ZNF844: variants seen among roughly 807,000 people sequenced by gnomAD.
The protein encoded by ZNF844 is zinc finger protein 844.
In ZNF844, 11 loss-of-function variants were observed where a neutral mutation model predicts 11.4. The ratio of observed to expected loss-of-function variants is 0.97; its 90% CI spans 0.61 to 1.60. ZNF844 has a LOEUF of 1.60. Ranked by LOEUF, ZNF844 falls within the 40% of genes most tolerant of loss-of-function variation. The pLI is 0.00. For synonymous variants in ZNF844, 248 were observed against 260.3 expected (o/e 0.95, Z 0.46); for missense variants, 790 against 796.8 (o/e 0.99, Z 0.10).
chr19:12,076,680 A>G lies in ZNF844; in HGVS notation c.1560A>G (p.Lys520=). 6.2e-7 allele frequency: 1 copy of G among 1,613,772 alleles called. No homozygotes were observed. Among genetic ancestry groups the G allele is most frequent in the Non-Finnish European group, 8.5e-7 (1 of 1,179,926 alleles). Residue 520 remains lysine (K), a synonymous_variant, in exon 4 of 4, where the codon AAA becomes AAG. Transcript: ENST00000439326. The part of the protein sequence containing the change: ...GKPSHLPHTF[K]CMKGLTLESN... The stretch of plus-strand genomic sequence containing the variant: ...CTTCACATCTGCCTCACACCTTCAA[A>G]TGCATGAAAGGACTCACACTGGAAA...
chr19:12,064,942 T>C, intron 1 of ZNF844, 66 bp downstream of exon 1: 1 of 1,529,890 alleles, frequency 6.5e-7, no homozygotes, highest in East Asian at 2.6e-5. Flanking sequence ...TGGTTGGAAC[T>C]GGCTGGAACC....
chr19:12,064,760 TG>T lies in ZNF844; in HGVS notation c.-112del. ...TTTGGCCCCTCCCGCCGGGTGAGGT[TG>T]GCACCCCGTTTTTCCTGCTCTGAGA... On this transcript the variant is annotated 5_prime_UTR_variant, in exon 1 of 4. Transcript: ENST00000439326. The T allele has an allele frequency of 8.5e-7, 1 of 1,174,950 alleles. No individual in the cohort carries two copies. Among genetic ancestry groups the T allele is most frequent in the Non-Finnish European group, 1.2e-6 (1 of 833,198 alleles). 72.8% of individuals were successfully genotyped at this position (1,174,950 alleles called of 1,614,324 possible).
At chr19:12,068,423 C>G (rs988571736) in intron 1 of ZNF844, among the ~76,000 whole-genome samples, 3 of 152,030 alleles carry the variant, frequency 2.0e-5, no homozygotes, top group Non-Finnish European at 4.4e-5. Flanking sequence ...GTCAGGAGTT[C>G]GAGACCAGCC....
At chr19:12,073,688 A>AT (rs60473335) in intron 1 of ZNF844, among the ~76,000 whole-genome samples, 23,505 of 151,912 alleles carry the variant, frequency 0.15, 3,079 homozygotes, top group African/African-American at 0.36. Flanking sequence ...TAATGTTAAC[A>AT]TTTTCTGCAG....
At position 12,080,480 on chromosome 19, in the gene ZNF844, A is replaced by G. The variant is rs781437319; in HGVS notation, c.*3359A>G. 1.5e-5 allele frequency: 4 copies of G among 260,000 alleles called. No individual in the cohort carries two copies. Among genetic ancestry groups the G allele is most frequent in the Admixed American group, 5.5e-5 (1 of 18,336 alleles). The allele number at this position is 260,000 out of a possible 1,614,324, so 16.1% of individuals were successfully genotyped here. On this transcript the variant is annotated 3_prime_UTR_variant, in exon 4 of 4. Transcript: ENST00000439326. Reference sequence around the variant, plus strand: ...CAAAGGCAGACAAGAGGAAGTCATCAGTCACATTTTAGAGGCACCAAACAG... The same window carrying G: ...CAAAGGCAGACAAGAGGAAGTCATCGGTCACATTTTAGAGGCACCAAACAG...
chr19:12,076,835 CTTTCAAA>C lies in ZNF844; in HGVS notation c.1717_1723del (p.Phe573ThrfsTer12). On this transcript the variant is annotated frameshift_variant, in exon 4 of 4. Coordinates refer to ENST00000439326, the MANE Select transcript of ZNF844 (RefSeq NM_001136501.3). LOFTEE classifies it low-confidence loss of function (END_TRUNC). Reference sequence around the variant, plus strand: ...GAAAAGCATTCAACAATTTCTCTTCCTTTCAAATACATGCAACAATGCACAGAGGACA... The same window carrying C: ...GAAAAGCATTCAACAATTTCTCTTCCTACATGCAACAATGCACAGAGGACA... The C allele has an allele frequency of 1.9e-6, 3 of 1,559,816 alleles. No homozygotes were observed. Among genetic ancestry groups the C allele is most frequent in the Non-Finnish European group, 2.6e-6 (3 of 1,151,350 alleles).
chr19:12,075,329 G>A lies in ZNF844; in HGVS notation c.209G>A (p.Arg70Lys). Residue 70 changes from arginine (R) to lysine (K), a missense_variant, in exon 4 of 4, where the codon AGA becomes AAA. This residue lies in a region of ZNF844 where 129 missense variants were observed against 144.0 expected (regional missense o/e 0.90). Transcript: ENST00000439326. ...RNNLRSLLGE[R>K]VDENTEENHC... The stretch of plus-strand genomic sequence containing the variant: ...TTTCACAGAAGTCTTCTGGGAGAGA[G>A]AGTTGATGAAAATACAGAAGAAAAT... 1 of 1,460,296 alleles carries A rather than the reference G, an allele frequency of 6.8e-7. No individual in the cohort carries two copies. Among genetic ancestry groups the A allele is most frequent in the East Asian group, 2.5e-5 (1 of 39,384 alleles). The allele number at this position is 1,460,296 out of a possible 1,614,324, so 90.5% of individuals were successfully genotyped here.
In ZNF844 at chr19:12,080,273, C is replaced by G. The variant is rs1351343928; in HGVS notation, c.*3152C>G. 1 of 238,640 alleles carries G rather than the reference C, an allele frequency of 4.2e-6. No individual in the cohort carries two copies. The highest frequency in any genetic ancestry group is 2.4e-5 in the African/African-American group (1 of 41,692). The allele number at this position is 238,640 out of a possible 1,614,324, so 14.8% of individuals were successfully genotyped here. ...GCTGAAGCAGGAGAATGGCGTGAATCCAGGAGGCAGAGCTTGCAGTGAACC... is the reference window on the plus strand; with the variant it reads ...GCTGAAGCAGGAGAATGGCGTGAATGCAGGAGGCAGAGCTTGCAGTGAACC... On this transcript the variant is annotated 3_prime_UTR_variant, in exon 4 of 4. Transcript: ENST00000439326.
chr19:12,077,310 T>G lies in ZNF844; in HGVS notation c.*189T>G, dbSNP rs909058185. 3.7e-6 allele frequency: 4 copies of G among 1,086,946 alleles called. No individual in the cohort carries two copies. The African/African-American group carries it at 6.2e-5, about 17-fold the overall frequency. The allele number at this position is 1,086,946 out of a possible 1,614,324, so 67.3% of individuals were successfully genotyped here. On this transcript the variant is annotated 3_prime_UTR_variant, in exon 4 of 4. Transcript: ENST00000439326. ...AGAGAAACCCTATGAGTGTAAGCAA[T>G]GTGGAAAAGCCTTTATTTCTTTCAG...
At chr19:12,073,403 G>T (rs545362383) in intron 1 of ZNF844, among the ~76,000 whole-genome samples, 3 of 152,032 alleles carry the variant, frequency 2.0e-5, no homozygotes, top group African/African-American at 7.2e-5. Flanking sequence ...CGATCCGCAC[G>T]CCTCAGCCTT....
chr19:12,075,143 T>G (rs1334671608), intron 3 of ZNF844, among the ~76,000 whole-genome samples, 169 bp from the exon 4 acceptor site: 1 of 152,110 alleles, frequency 6.6e-6, no homozygotes, highest in Non-Finnish European at 1.5e-5. Context: ...AAATGGGACA[T>G]GTATACATAT....
At position 12,076,370 on chromosome 19, in the gene ZNF844, G is replaced by T; in HGVS notation, c.1250G>T (p.Arg417Ile). 1.9e-6 allele frequency: 3 copies of T among 1,610,352 alleles called. No homozygotes were observed. The highest frequency in any genetic ancestry group is 2.5e-6 in the Non-Finnish European group (3 of 1,177,060). ...ATCATGAAAGGACTCACACTGGAGA[G>T]AAACCCTATGAATGTAAGCAGTGTA... ...FTIMKGLTLE[R>I]NPMNVSSVVK... Residue 417 changes from arginine (R) to isoleucine (I), a missense_variant, in exon 4 of 4, where the codon AGA (arginine) becomes ATA (isoleucine). Arg to Ile is a moderately conservative substitution (Grantham distance 97). This residue lies in a region of ZNF844 where 657 missense variants were observed against 636.2 expected (regional missense o/e 1.03). Coordinates refer to ENST00000439326, the MANE Select transcript of ZNF844 (RefSeq NM_001136501.3).
chr19:12,075,943 C>T lies in ZNF844; in HGVS notation c.823C>T (p.His275Tyr). The change falls in exon 4 of 4, where the codon CAC becomes TAC. Residue 275 changes from histidine (H) to tyrosine (Y), a missense_variant. Around this residue, in one of 3 missense-constraint regions of ZNF844, gnomAD observed 657 missense variants for 636.2 expected, o/e 1.03. Coordinates refer to ENST00000439326, the MANE Select transcript of ZNF844 (RefSeq NM_001136501.3). ...TTCCCTTTATGAACATAGAAGAACT[C>T]ACACTGGAGAGAAGCCATATGAATG... is the stretch of plus-strand genomic sequence containing the variant. ...PNSLYEHRRT[H>Y]TGEKPYECKQ... 1 of 1,600,552 alleles carries T rather than the reference C, an allele frequency of 6.2e-7. No homozygotes were observed. Among genetic ancestry groups the T allele is most frequent in the Non-Finnish European group, 8.5e-7 (1 of 1,173,230 alleles).
rs529543190 is a variant in ZNF844, at chr19:12,078,805, T to C, written c.*1684T>C. On this transcript the variant is annotated 3_prime_UTR_variant, in exon 4 of 4. Transcript: ENST00000439326. Reference sequence around the variant, plus strand: ...AAAGCATTTTCTGATCTGAGTGGCATTGAAACCCACATGGTATTGCACATG... The same window carrying C: ...AAAGCATTTTCTGATCTGAGTGGCACTGAAACCCACATGGTATTGCACATG... 6.6e-6 allele frequency: 1 copy of C among 152,508 alleles called. No individual in the cohort carries two copies. Among genetic ancestry groups the C allele is most frequent in the Admixed American group, 6.5e-5 (1 of 15,288 alleles). 9.4% of individuals were successfully genotyped at this position (152,508 alleles called of 1,614,324 possible).
rs1473614774 is a variant in ZNF844, at chr19:12,075,964, G to A, written c.844G>A (p.Glu282Lys). Residue 282 changes from glutamate (E) to lysine (K), a missense_variant, in exon 4 of 4, where the codon GAA becomes AAA. Physicochemically the swap from Glu to Lys is moderately conservative, Grantham distance 56. Around this residue, in one of 3 missense-constraint regions of ZNF844, gnomAD observed 657 missense variants for 636.2 expected, o/e 1.03. Transcript: ENST00000439326. The stretch of plus-strand genomic sequence containing the variant: ...AACTCACACTGGAGAGAAGCCATAT[G>A]AATGCAAACAATGTGGAAAAGCCTT... ...RRTHTGEKPY[E>K]CKQCGKAFRW... 6.3e-7 allele frequency: 1 copy of A among 1,595,180 alleles called. No homozygotes were observed. The highest frequency in any genetic ancestry group is 8.5e-7 in the Non-Finnish European group (1 of 1,170,260).
At chr19:12,072,431 ATT>A (rs56105048) in intron 1 of ZNF844, among the ~76,000 whole-genome samples, 2 of 145,054 alleles carry the variant, frequency 1.4e-5, no homozygotes, top group African/African-American at 5.0e-5. Flanking sequence ...CTGGAAGAAA[ATT>A]TTTTTTTTTT....
intron 1 of ZNF844, among the ~76,000 whole-genome samples, chr19:12,073,728 T>C (rs1599400180): frequency 6.6e-6 from 1 of 152,202 alleles, no homozygotes; most frequent in East Asian, 1.9e-4. Flanking sequence ...TTATGACAGG[T>C]GCTATAGACC....
intron 1 of ZNF844, among the ~76,000 whole-genome samples, chr19:12,068,471 T>C (rs1227095380): frequency 6.6e-6 from 1 of 151,054 alleles, no homozygotes; most frequent in East Asian, 2.0e-4. Flanking sequence ...ATTAAAAAAA[T>C]ATATACAAAA....
rs996062907 is a variant in ZNF844, at chr19:12,074,111, C to T, written c.84C>T (p.Leu28=). ...TGCTGGATCCTTCCCAGAAGAATCTCTACAGAGAAGTGATGCAGGAAACCT... is the reference window on the plus strand; with the variant it reads ...TGCTGGATCCTTCCCAGAAGAATCTTTACAGAGAAGTGATGCAGGAAACCT... ...WSLLDPSQKN[L]YREVMQETLR... is the part of the protein sequence containing the mutation. Residue 28 remains leucine (L), a synonymous_variant, in exon 2 of 4, where the codon CTC becomes CTT. Coordinates refer to ENST00000439326, the MANE Select transcript of ZNF844 (RefSeq NM_001136501.3). The T allele has an allele frequency of 1.2e-6, 2 of 1,613,700 alleles. No individual in the cohort carries two copies. Among genetic ancestry groups the T allele is most frequent in the African/African-American group, 1.3e-5 (1 of 74,894 alleles).
Sources: gnomAD v4.1 joint callset for allele counts (sites outside exome capture counted in the v4.1 genomes callset) on GRCh38, gnomAD v4.1.1 for gene constraint, gnomAD v4.1.1 regional missense constraint, MANE v1.5 for transcripts, NCBI Gene and HGNC (gene_info 2026-07-23, HGNC 2026-07-21) for gene names.